Variants in QTMAN observed in about 807,000 individuals in gnomAD.
QTMAN encodes tRNA-queuosine alpha-mannosyltransferase.
chr2:143,940,049 C>A, the QTMAN span: 1 of 152,158 alleles, frequency 6.6e-6, no homozygotes, highest in African/African-American at 2.4e-5. Flanking sequence ...ACGTTTTGTA[C>A]AATTTTTATG....
chr2:144,245,524 G>A, the QTMAN span, among the ~76,000 whole-genome samples: 2 of 152,140 alleles, frequency 1.3e-5, no homozygotes, highest in East Asian at 3.8e-4. Flanking sequence ...CAACGAATCT[G>A]CTCAGAATAA....
chr2:144,158,735 A>G, the QTMAN span, among the ~76,000 whole-genome samples: 3 of 152,034 alleles, frequency 2.0e-5, no homozygotes, highest in Non-Finnish European at 4.4e-5. Context: ...TATGTGCAAA[A>G]AAAGTCAGAA....
At chr2:144,113,564 T>C in the QTMAN span, among the ~76,000 whole-genome samples, 2 of 152,226 alleles carry the variant, frequency 1.3e-5, no homozygotes, top group African/African-American at 4.8e-5. Flanking sequence ...GCTGAAAATT[T>C]CCCAAATTTG....
At chr2:144,203,599 T>C in the QTMAN span, among the ~76,000 whole-genome samples, 1 of 152,126 alleles carries the variant, frequency 6.6e-6, no homozygotes, top group Admixed American at 6.5e-5. Flanking sequence ...AAATGAACTG[T>C]GACTTCTGAA....
chr2:143,963,459 C>T, the QTMAN span, among the ~76,000 whole-genome samples: 2 of 151,096 alleles, frequency 1.3e-5, no homozygotes, highest in Admixed American at 6.6e-5. Context: ...AGTTGTATTT[C>T]TGCTTCTCCA....
At chr2:144,011,265 A>G in the QTMAN span, among the ~76,000 whole-genome samples, 1 of 152,138 alleles carries the variant, frequency 6.6e-6, no homozygotes, top group Non-Finnish European at 1.5e-5. Context: ...CTACTTTGTT[A>G]CAATAAAGCT....
the QTMAN span, among the ~76,000 whole-genome samples, chr2:143,966,207 C>G: frequency 6.6e-6 from 1 of 152,212 alleles, no homozygotes; most frequent in African/African-American, 2.4e-5. Context: ...AGGCGAGTGA[C>G]TTAACCTCCC....
chr2:144,316,586 T>A, the QTMAN span, among the ~76,000 whole-genome samples: 69 of 152,252 alleles, frequency 4.5e-4, no homozygotes, highest in Non-Finnish European at 8.8e-4. Flanking sequence ...ATGGCATCAC[T>A]TACACCTGAA....
the QTMAN span, among the ~76,000 whole-genome samples, chr2:144,098,157 T>C: frequency 4.4e-4 from 67 of 152,342 alleles, no homozygotes; most frequent in Middle Eastern, 3.4e-3. Context: ...TCCAAGTTTA[T>C]TCTGAGGCAT....
the QTMAN span, among the ~76,000 whole-genome samples, chr2:144,223,837 A>T: frequency 6.6e-6 from 1 of 152,282 alleles, no homozygotes; most frequent in East Asian, 1.9e-4. Context: ...CTTGGGCCTG[A>T]CTGACCCTCC....
the QTMAN span, among the ~76,000 whole-genome samples, chr2:143,984,850 C>T: frequency 6.6e-6 from 1 of 152,204 alleles, no homozygotes; most frequent in African/African-American, 2.4e-5. Context: ...AGCTCCCCTT[C>T]CCACTGAGAG....
At chr2:144,096,483 C>A in the QTMAN span, among the ~76,000 whole-genome samples, 35 of 152,292 alleles carry the variant, frequency 2.3e-4, no homozygotes, top group Middle Eastern at 3.4e-3. Flanking sequence ...TCTACAATTC[C>A]ATTACTTTCA....
At chr2:143,971,817 T>C in the QTMAN span, among the ~76,000 whole-genome samples, 1 of 152,150 alleles carries the variant, frequency 6.6e-6, no homozygotes, top group Non-Finnish European at 1.5e-5. Flanking sequence ...CAAACTGCTA[T>C]ATGAAATATG....
chr2:144,280,511 T>G, the QTMAN span, among the ~76,000 whole-genome samples: 1 of 152,132 alleles, frequency 6.6e-6, no homozygotes, highest in African/African-American at 2.4e-5. Flanking sequence ...ATCAGGGCAC[T>G]TGAAGTCTAC....
the QTMAN span, among the ~76,000 whole-genome samples, chr2:144,024,292 A>G: frequency 6.6e-6 from 1 of 152,228 alleles, no homozygotes; most frequent in Non-Finnish European, 1.5e-5. Context: ...AATGAGCAAA[A>G]TCAACTCTGT....
At chr2:144,083,801 C>T in the QTMAN span, among the ~76,000 whole-genome samples, 1 of 151,800 alleles carries the variant, frequency 6.6e-6, no homozygotes, top group African/African-American at 2.4e-5. Context: ...TCACCCAGCC[C>T]GAAGTTTCTA....
At chr2:144,123,032 TAATA>T in the QTMAN span, among the ~76,000 whole-genome samples, 1 of 152,166 alleles carries the variant, frequency 6.6e-6, no homozygotes, top group African/African-American at 2.4e-5. Context: ...ATGACCTGCA[TAATA>T]AATGATTTAT....
chr2:144,153,400 T>C, the QTMAN span, among the ~76,000 whole-genome samples: 10 of 152,110 alleles, frequency 6.6e-5, no homozygotes, highest in African/African-American at 2.2e-4. Flanking sequence ...TATAACCAAA[T>C]ACAGAAGATA....
At chr2:144,090,271 G>A in the QTMAN span, among the ~76,000 whole-genome samples, 2 of 152,044 alleles carry the variant, frequency 1.3e-5, no homozygotes, top group Non-Finnish European at 2.9e-5. Context: ...GCTTAACAGT[G>A]AAAGACTAAA....
Sources: allele counts gnomAD v4.1 joint callset (sites outside exome capture counted in the v4.1 genomes callset), GRCh38; gene constraint gnomAD v4.1.1; transcripts MANE v1.5; gene names NCBI Gene and HGNC (gene_info 2026-07-23, HGNC 2026-07-21).